Variants in MSI2 observed in about 807,000 individuals in gnomAD.
MSI2 encodes the protein musashi RNA binding protein 2.
MSI2 carries 17 observed loss-of-function variants against 45.6 expected under a neutral mutation model. The observed-to-expected ratio is 0.37, with a 90% CI of 0.26 to 0.56. The LOEUF (loss-of-function observed/expected upper bound fraction) is 0.56, where lower values mean the gene tolerates loss of function less well. Ranked by LOEUF, MSI2 falls within the 20% of genes least tolerant of loss-of-function variation. The pLI is 0.77. For synonymous variants in MSI2, 156 were observed against 158.2 expected (o/e 0.99, Z 0.11); for missense variants, 293 against 444.2 (o/e 0.66, Z 3.06).
At chr17:57,667,573 C>T (rs543350874) in intron 11 of MSI2, among the ~76,000 whole-genome samples, 55 of 152,198 alleles carry the variant, frequency 3.6e-4, no homozygotes, top group African/African-American at 1.2e-3. Flanking sequence ...TGGCCTTTCC[C>T]TTCCCGGGGC....
At position 57,397,468 on chromosome 17, in the gene MSI2, A is replaced by G. The variant is rs577543719; in HGVS notation, c.313-3911A>G. Reference sequence around the variant, plus strand: ...CCTCACGTGTCCATAGAAACCTTGCATAGTATTGATGGGAATTCGAGGACC... The same window carrying G: ...CCTCACGTGTCCATAGAAACCTTGCGTAGTATTGATGGGAATTCGAGGACC... On this transcript the variant is annotated intron_variant, in intron 5 of 13. Transcript: ENST00000284073. Among the ~76,000 whole-genome samples, 17 of 152,354 alleles carry G rather than the reference A, an allele frequency of 1.1e-4. No homozygotes were observed. The South Asian group carries it at 3.5e-3, about 32-fold the overall frequency.
intron 8 of MSI2, among the ~76,000 whole-genome samples, chr17:57,613,563 T>C (rs190855914): frequency 6.0e-4 from 91 of 152,356 alleles, no homozygotes; most frequent in Non-Finnish European, 1.2e-3. Flanking sequence ...TATAAATTTA[T>C]GGCTTTTGAT....
chr17:57,494,926 C>T (rs1316844270), intron 6 of MSI2, among the ~76,000 whole-genome samples: 1 of 151,828 alleles, frequency 6.6e-6, no homozygotes, highest in Non-Finnish European at 1.5e-5. Context: ...AAAAATATAC[C>T]AAAAAAGAAA....
At chr17:57,453,083 A>G (rs1300104213) in intron 6 of MSI2, among the ~76,000 whole-genome samples, 2 of 150,358 alleles carry the variant, frequency 1.3e-5, no homozygotes, top group Admixed American at 6.7e-5. Flanking sequence ...GGCTCACTGC[A>G]ACCTCCACCT....
intron 10 of MSI2, among the ~76,000 whole-genome samples, chr17:57,640,783 G>A (rs375914649): frequency 1.3e-5 from 2 of 152,194 alleles, no homozygotes; most frequent in African/African-American, 4.8e-5. Flanking sequence ...TTCTTGTGGT[G>A]TTATAGCAAG....
chr17:57,621,587 A>G (rs1908295568), intron 9 of MSI2, among the ~76,000 whole-genome samples: 1 of 152,226 alleles, frequency 6.6e-6, no homozygotes, highest in African/African-American at 2.4e-5. Flanking sequence ...TGGTCTGCAA[A>G]TGACTCGAAC....
intron 7 of MSI2, among the ~76,000 whole-genome samples, chr17:57,591,943 C>T (rs926787652): frequency 2.0e-5 from 3 of 151,976 alleles, no homozygotes; most frequent in Non-Finnish European, 2.9e-5. Context: ...GAGGCTGAGG[C>T]AGGCGGATCA....
At chr17:57,514,657 T>C (rs1349196989) in intron 6 of MSI2, among the ~76,000 whole-genome samples, 1 of 151,906 alleles carries the variant, frequency 6.6e-6, no homozygotes, top group African/African-American at 2.4e-5. Context: ...ATACTTTTTT[T>C]TTTTTTTTTT....
intron 7 of MSI2, among the ~76,000 whole-genome samples, chr17:57,548,527 G>T (rs920685106): frequency 1.3e-5 from 2 of 152,090 alleles, no homozygotes; most frequent in South Asian, 2.1e-4. Context: ...GATAATGTTC[G>T]CAGGCTCCGG....
chr17:57,421,571 C>G (rs1353621424), intron 6 of MSI2, among the ~76,000 whole-genome samples: 1 of 151,944 alleles, frequency 6.6e-6, no homozygotes, highest in Non-Finnish European at 1.5e-5. Flanking sequence ...TCCTCAGGCA[C>G]AGTATACTTT....
intron 5 of MSI2, among the ~76,000 whole-genome samples, chr17:57,338,315 C>T (rs978496363): frequency 6.6e-6 from 1 of 152,184 alleles, no homozygotes; most frequent in African/African-American, 2.4e-5. Context: ...GTCCCGAACT[C>T]CTGACCTCAA....
intron 7 of MSI2, among the ~76,000 whole-genome samples, chr17:57,538,075 C>A (rs1440276021): frequency 1.3e-5 from 2 of 151,788 alleles, no homozygotes; most frequent in Non-Finnish European, 2.9e-5. Context: ...TTGTTTGGTC[C>A]TGTTCCCATA....
chr17:57,302,106 G>A (rs1156489454), intron 5 of MSI2, among the ~76,000 whole-genome samples: 1 of 152,044 alleles, frequency 6.6e-6, no homozygotes, highest in Non-Finnish European at 1.5e-5. Context: ...ATTATTGATG[G>A]ACTAACTGAT....
At chr17:57,597,327 ACC>A (rs1390895225) in intron 8 of MSI2, among the ~76,000 whole-genome samples, 2 of 152,046 alleles carry the variant, frequency 1.3e-5, no homozygotes, top group African/African-American at 4.8e-5. Flanking sequence ...TAATTTTTTA[ACC>A]ACTTAAAATG....
chr17:57,443,832 G>A (rs1023690914), intron 6 of MSI2, among the ~76,000 whole-genome samples: 5 of 152,152 alleles, frequency 3.3e-5, no homozygotes, highest in South Asian at 2.1e-4. Flanking sequence ...TGAGGACAGG[G>A]TGAGCACCCA....
intron 5 of MSI2, among the ~76,000 whole-genome samples, chr17:57,317,506 CTTTTTT>C (rs921448429): frequency 1.1e-5 from 1 of 94,576 alleles, no homozygotes; most frequent in Non-Finnish European, 2.0e-5. Flanking sequence ...TATAGTTTTG[CTTTTTT>C]TTTTTTTTTT....
At chr17:57,363,954 G>A (rs892892458) in intron 5 of MSI2, among the ~76,000 whole-genome samples, 9 of 152,108 alleles carry the variant, frequency 5.9e-5, no homozygotes, top group Non-Finnish European at 4.4e-5. Flanking sequence ...GCCAGCTAAC[G>A]TGGTCCTTAG....
At chr17:57,503,618 G>A (rs1204216999) in intron 6 of MSI2, among the ~76,000 whole-genome samples, 1 of 152,252 alleles carries the variant, frequency 6.6e-6, no homozygotes, top group Non-Finnish European at 1.5e-5. Flanking sequence ...CCCCAGAGCT[G>A]ACGTTCATCC....
chr17:57,504,472 C>A (rs996740638), intron 6 of MSI2, among the ~76,000 whole-genome samples: 3 of 152,144 alleles, frequency 2.0e-5, no homozygotes, highest in Non-Finnish European at 2.9e-5. Context: ...TAGCTTGCCT[C>A]GGGCCATGAG....
Sources: gnomAD v4.1 joint callset for allele counts (sites outside exome capture counted in the v4.1 genomes callset) on GRCh38, gnomAD v4.1.1 for gene constraint, MANE v1.5 for transcripts, NCBI Gene and HGNC (gene_info 2026-07-23, HGNC 2026-07-21) for gene names.